The following NAV2 variants were observed in gnomAD, a reference collection of about 807,000 sequenced individuals.
NAV2 encodes neuron navigator 2.
In NAV2, 54 loss-of-function variants were observed where a neutral mutation model predicts 223.2. That is an observed-to-expected ratio of 0.24 (90% CI 0.19 to 0.30). The LOEUF (loss-of-function observed/expected upper bound fraction) is 0.30. Among genes scored for constraint, NAV2 ranks in the 10% least tolerant of loss-of-function variants. NAV2 has a pLI of 1.00. For missense variants in NAV2, 2,806 were observed against 3,147.5 expected (o/e 0.89, Z 2.60); for synonymous variants, 1,279 against 1,239.3 (o/e 1.03, Z -0.67).
chr11:19,424,193 A>G (rs1295455966), intron 1 of NAV2, among the ~76,000 whole-genome samples: 1 of 152,250 alleles, frequency 6.6e-6, no homozygotes, highest in Non-Finnish European at 1.5e-5. Flanking sequence ...CTGTAAGCAC[A>G]TTAATATCAA....
At chr11:19,637,507 A>G (rs570661126) in intron 1 of NAV2, among the ~76,000 whole-genome samples, 2 of 152,374 alleles carry the variant, frequency 1.3e-5, no homozygotes. Context: ...TAAAGAAATA[A>G]CTGAGGCTGG....
At chr11:19,529,459 A>G (rs1182461008) in intron 1 of NAV2, among the ~76,000 whole-genome samples, 1 of 152,204 alleles carries the variant, frequency 6.6e-6, no homozygotes, top group African/African-American at 2.4e-5. Flanking sequence ...TACCATCCCA[A>G]TTACAGTGTC....
intron 2 of NAV2, among the ~76,000 whole-genome samples, chr11:19,836,488 C>T (rs1216999919): frequency 1.4e-5 from 2 of 147,366 alleles, no homozygotes; most frequent in East Asian, 2.1e-4. Flanking sequence ...ACCCGGGAAG[C>T]GGAGCTTGCA....
chr11:19,615,589 G>T (rs2046767865), intron 1 of NAV2, among the ~76,000 whole-genome samples: 1 of 152,042 alleles, frequency 6.6e-6, no homozygotes, highest in Non-Finnish European at 1.5e-5. Flanking sequence ...GGCGCTCAGT[G>T]CTAGACATTC....
chr11:20,035,013 C>T (rs1273953232), intron 11 of NAV2, among the ~76,000 whole-genome samples: 2 of 151,860 alleles, frequency 1.3e-5, no homozygotes. Flanking sequence ...TCTTGAGGGG[C>T]CATATAGAGA....
At position 19,868,910 on chromosome 11, in the gene NAV2, G is replaced by GT. The variant is rs760073744; in HGVS notation, c.439-10dup. 2.5e-6 allele frequency: 4 copies of GT among 1,608,410 alleles called. No individual in the cohort carries two copies. In the South Asian group the frequency reaches 4.4e-5, roughly 18 times the overall value. On this transcript the variant is annotated splice_polypyrimidine_tract_variant and intron_variant, in intron 3 of 37. Coordinates refer to ENST00000349880, the MANE Select transcript of NAV2 (RefSeq NM_145117.5). Reference sequence around the variant, plus strand: ...GAACATTTATTAAGTATATATTGTTGTTTTTCCCTCCTAGATTGAAAACAT... The same window carrying GT: ...GAACATTTATTAAGTATATATTGTTGTTTTTTCCCTCCTAGATTGAAAACAT...
At chr11:19,641,644 C>T (rs2047669307) in intron 1 of NAV2, among the ~76,000 whole-genome samples, 1 of 151,810 alleles carries the variant, frequency 6.6e-6, no homozygotes, top group South Asian at 2.1e-4. Context: ...TGAGCGCTCA[C>T]CTTCCGGCGT....
At chr11:20,095,437 A>G (rs973091470) in intron 29 of NAV2, among the ~76,000 whole-genome samples, 6 of 152,202 alleles carry the variant, frequency 3.9e-5, no homozygotes, top group Admixed American at 1.3e-4. Context: ...AAGTTTCCAT[A>G]TTCCAGAGAG....
intron 1 of NAV2, among the ~76,000 whole-genome samples, chr11:19,649,207 C>G (rs181466947): frequency 8.6e-4 from 131 of 152,300 alleles, no homozygotes; most frequent in African/African-American, 2.9e-3. Flanking sequence ...AGTAAGACTG[C>G]TATGTCAAGG....
chr11:19,745,735 C>G (rs1378748235), intron 1 of NAV2, among the ~76,000 whole-genome samples: 1 of 152,174 alleles, frequency 6.6e-6, no homozygotes, highest in African/African-American at 2.4e-5. Context: ...ACCTAGATCC[C>G]TCGCATGTGC....
At chr11:19,752,276 C>T (rs76992695) in intron 1 of NAV2, among the ~76,000 whole-genome samples, 2 of 152,276 alleles carry the variant, frequency 1.3e-5, no homozygotes, top group East Asian at 3.9e-4. Flanking sequence ...TGCAGTGAGC[C>T]CTGGCCTGGG....
At chr11:19,952,741 G>A (rs904870475) in intron 10 of NAV2, among the ~76,000 whole-genome samples, 3 of 152,082 alleles carry the variant, frequency 2.0e-5, no homozygotes, top group East Asian at 3.9e-4. Flanking sequence ...TTTCTGTACT[G>A]GTGTGTGCAT....
At chr11:20,086,716 G>A (rs2060469902) in intron 26 of NAV2, among the ~76,000 whole-genome samples, 1 of 152,202 alleles carries the variant, frequency 6.6e-6, no homozygotes, top group Non-Finnish European at 1.5e-5. Flanking sequence ...AGATATTCTT[G>A]AAGAAAAGTT....
At chr11:19,680,510 C>G (rs1565162499) in intron 1 of NAV2, among the ~76,000 whole-genome samples, 1 of 152,168 alleles carries the variant, frequency 6.6e-6, no homozygotes, top group Non-Finnish European at 1.5e-5. Flanking sequence ...AGGACACACC[C>G]CTCACCCGCA....
intron 1 of NAV2, among the ~76,000 whole-genome samples, chr11:19,484,915 G>A (rs2134024815): frequency 6.6e-6 from 1 of 152,318 alleles, no homozygotes; most frequent in East Asian, 1.9e-4. Flanking sequence ...GACCCTGTGT[G>A]GTGAATGAAT....
intron 37 of NAV2, among the ~76,000 whole-genome samples, chr11:20,116,267 AAATAAT>A (rs1246151627): frequency 1.3e-5 from 2 of 152,234 alleles, no homozygotes; most frequent in African/African-American, 2.4e-5. Context: ...TAGATTAAAA[AAATAAT>A]AATAATATTA....
At chr11:19,355,544 TG>T (rs1465035861) in intron 1 of NAV2, among the ~76,000 whole-genome samples, 1 of 152,186 alleles carries the variant, frequency 6.6e-6, no homozygotes, top group Non-Finnish European at 1.5e-5. Flanking sequence ...CCTCGTCACT[TG>T]GGTTTGCAAC....
chr11:20,013,757 G>A (rs775065574), intron 11 of NAV2, among the ~76,000 whole-genome samples: 3 of 152,196 alleles, frequency 2.0e-5, no homozygotes, highest in Non-Finnish European at 4.4e-5. Flanking sequence ...TGGATCATGA[G>A]TCAAATTCAC....
Position 19,654,368 on chromosome 11 carries a change from C to T in NAV2, c.76-178116C>T, listed in dbSNP as rs200211697. On this transcript the variant is annotated intron_variant, in intron 1 of 37. Coordinates refer to the NAV2 transcript ENST00000360655. ...TCCCCATCAAGCTACCAATGACTTT[C>T]TTCACAGAATTGGAAAAAACTACTT... 6.8e-3 allele frequency among the ~76,000 whole-genome samples: 1,040 copies of T among 152,260 alleles called. 22 individuals are homozygous for T. Among genetic ancestry groups the T allele is most frequent in the East Asian group, 0.064 (334 of 5,182 alleles).
Sources: allele counts gnomAD v4.1 joint callset (sites outside exome capture counted in the v4.1 genomes callset), GRCh38; gene constraint gnomAD v4.1.1; transcripts MANE v1.5; gene names NCBI Gene and HGNC (gene_info 2026-07-23, HGNC 2026-07-21).